Variants in GYPC observed in about 807,000 individuals in gnomAD.
GYPC encodes the protein glycophorin-C.
Under a neutral mutation model 12.6 loss-of-function variants are expected in GYPC, and 14 were observed. The observed-to-expected ratio is 1.11, with a 90% CI of 0.74 to 1.74. The LOEUF (loss-of-function observed/expected upper bound fraction) is 1.74, where lower values mean the gene tolerates loss of function less well. Among genes scored for constraint, GYPC ranks in the 40% most tolerant of loss-of-function variants. The pLI is 0.00. For missense variants in GYPC, 225 were observed against 172.1 expected, an observed-to-expected ratio of 1.31 and a Z score of -1.72; for synonymous variants, 78 against 62.1, an observed-to-expected ratio of 1.26 and a Z score of -1.20.
chr2:126,696,474 G>A lies in GYPC; in HGVS notation c.*332G>A, dbSNP rs1683648930. The A allele has an allele frequency of 2.6e-6, 1 of 377,990 alleles. No homozygotes were observed. The highest frequency in any genetic ancestry group is 2.2e-5 in the South Asian group (1 of 44,812). 23.4% of individuals were successfully genotyped at this position (377,990 alleles called of 1,614,324 possible). Reference sequence around the variant, plus strand: ...CACTGGCAGGAAAGTCCTTGTTGAGGGTGAGGGGGTGCTGGGGTACCCGGG... The same window carrying A: ...CACTGGCAGGAAAGTCCTTGTTGAGAGTGAGGGGGTGCTGGGGTACCCGGG... On this transcript the variant is annotated 3_prime_UTR_variant, in exon 4 of 4. Transcript: ENST00000259254.
intron 1 of GYPC, among the ~76,000 whole-genome samples, chr2:126,673,113 C>T (rs774347677): frequency 6.6e-4 from 101 of 152,086 alleles, no homozygotes; most frequent in Non-Finnish European, 1.1e-3. Flanking sequence ...ATGTGATGAA[C>T]GGTCCAGGGA....
In GYPC at chr2:126,656,240, C is replaced by A. The variant is rs747399461; in HGVS notation, c.-24C>A. ...GCCCGGCCTGGCCAGTCCCCGCGGTCTCTGCCCGGGCTGACGCCCAGGAAT... is the reference window on the plus strand; with the variant it reads ...GCCCGGCCTGGCCAGTCCCCGCGGTATCTGCCCGGGCTGACGCCCAGGAAT... On this transcript the variant is annotated 5_prime_UTR_variant, in exon 1 of 4. Coordinates refer to ENST00000259254, the MANE Select transcript of GYPC (RefSeq NM_002101.5). 1.9e-6 allele frequency: 3 copies of A among 1,595,770 alleles called. No homozygotes were observed. The highest frequency in any genetic ancestry group is 1.7e-6 in the Non-Finnish European group (2 of 1,173,448).
intron 2 of GYPC, among the ~76,000 whole-genome samples, chr2:126,691,835 A>G (rs1683475321): frequency 6.6e-6 from 1 of 152,324 alleles, no homozygotes; most frequent in South Asian, 2.1e-4. Flanking sequence ...AAACTGTCCT[A>G]ATAAATGCTG....
At chr2:126,689,795 C>A (rs2104804686) in intron 1 of GYPC, among the ~76,000 whole-genome samples, 1 of 152,332 alleles carries the variant, frequency 6.6e-6, no homozygotes, top group African/African-American at 2.4e-5. Flanking sequence ...GAACTGTGAG[C>A]CAAACAAACC....
rs746065815 is a variant in GYPC, at chr2:126,681,791, A to G, written c.50-8464A>G. On this transcript the variant is annotated intron_variant, in intron 1 of 3. Coordinates refer to ENST00000259254, the MANE Select transcript of GYPC (RefSeq NM_002101.5). ...AAAAACTTCATCCAAAAAAAAAAAA[A>G]AAAGAAAGAAAGAAAGAAAAGAAAA... 3.0e-4 allele frequency among the ~76,000 whole-genome samples: 33 copies of G among 109,940 alleles called. No homozygotes were observed. In the East Asian group the frequency reaches 3.7e-3, roughly 12 times the overall value. The allele number at this position is 109,940 out of a possible 152,430, so 72.1% of individuals were successfully genotyped here. A position where few individuals can be genotyped will look rare whatever the true frequency, so the allele number is the denominator to read the frequency against.
intron 1 of GYPC, among the ~76,000 whole-genome samples, chr2:126,674,456 G>A (rs956369521): frequency 4.7e-5 from 3 of 63,510 alleles, no homozygotes; most frequent in East Asian, 3.3e-4. Context: ...GGAAACAAGT[G>A]GGGGGGGAAT....
chr2:126,659,045 C>A (rs1160876930), intron 1 of GYPC, among the ~76,000 whole-genome samples: 1 of 152,196 alleles, frequency 6.6e-6, no homozygotes, highest in African/African-American at 2.4e-5. Context: ...AGAAACTACC[C>A]TCCTAAAGGT....
intron 1 of GYPC, chr2:126,685,858 G>A (rs1683274734): frequency 1.0e-6 from 1 of 985,200 alleles, no homozygotes; most frequent in Non-Finnish European, 1.2e-6. Flanking sequence ...TGAAACACCT[G>A]CATTTCCTGT....
At position 126,664,874 on chromosome 2, in the gene GYPC, A is replaced by G. The variant is rs559538745; in HGVS notation, c.49+8562A>G. On this transcript the variant is annotated intron_variant, in intron 1 of 3. Transcript: ENST00000259254. The stretch of plus-strand genomic sequence containing the variant: ...CTGGGCATCTGCAGGGGCAGCCTCT[A>G]CCTCTCCCTGTGGGACTTCACTAAC... 2.0e-3 allele frequency among the ~76,000 whole-genome samples: 305 copies of G among 150,720 alleles called. 5 individuals are homozygous for G. The highest frequency in any genetic ancestry group is 3.6e-3 in the Non-Finnish European group (242 of 67,718).
intron 1 of GYPC, among the ~76,000 whole-genome samples, chr2:126,664,368 T>C (rs1362884995): frequency 6.6e-6 from 1 of 152,002 alleles, no homozygotes; most frequent in Non-Finnish European, 1.5e-5. Context: ...TTATCTCCAT[T>C]TTGCATGTGA....
chr2:126,695,881 G>GACC, intron 3 of GYPC, 65 bp from the exon 4 acceptor site: 3 of 1,311,978 alleles, frequency 2.3e-6, no homozygotes, highest in Non-Finnish European at 3.3e-6. Context: ...TGTGGGTCTT[G>GACC]ACCACCATCC....
intron 3 of GYPC, among the ~76,000 whole-genome samples, chr2:126,695,717 C>A (rs1220120983): frequency 6.6e-6 from 1 of 152,160 alleles, no homozygotes; most frequent in Non-Finnish European, 1.5e-5. Context: ...GTAGGCTAGG[C>A]CAAGCTTCGA....
At chr2:126,680,351 C>T (rs1683119945) in intron 1 of GYPC, 1 of 152,202 alleles carries the variant, frequency 6.6e-6, no homozygotes, top group African/African-American at 2.4e-5. Context: ...GGTTTCCCTC[C>T]ATGAGCCCAA....
chr2:126,666,655 TAAG>T (rs1450619218), intron 1 of GYPC, among the ~76,000 whole-genome samples: 1 of 150,888 alleles, frequency 6.6e-6, no homozygotes, highest in East Asian at 2.0e-4. Flanking sequence ...TCATTGCAAG[TAAG>T]AAACTGTGAT....
intron 2 of GYPC, 82 bp downstream of exon 2, chr2:126,690,393 G>C (rs1683425652): frequency 9.4e-7 from 1 of 1,061,294 alleles, no homozygotes; most frequent in Non-Finnish European, 1.5e-6. Flanking sequence ...CCTTTAAGCA[G>C]CCAGGGTTGG....
At chr2:126,690,412 G>C in intron 2 of GYPC, 101 bp downstream of exon 2, 1 of 895,886 alleles carries the variant, frequency 1.1e-6, no homozygotes, top group Non-Finnish European at 1.9e-6. Flanking sequence ...GGGGGACTTG[G>C]TGAAAACATC....
chr2:126,666,673 G>T (rs1181970901), intron 1 of GYPC, among the ~76,000 whole-genome samples: 2 of 149,378 alleles, frequency 1.3e-5, no homozygotes, highest in Non-Finnish European at 3.0e-5. Context: ...TGTGATGCTG[G>T]CCTTCCATTC....
At chr2:126,659,466 C>T (rs1013536719) in intron 1 of GYPC, among the ~76,000 whole-genome samples, 6 of 152,186 alleles carry the variant, frequency 3.9e-5, no homozygotes, top group Non-Finnish European at 7.3e-5. Context: ...TACCTCAGCA[C>T]CTCAGTTTTC....
Position 126,696,415 on chromosome 2 carries a change from G to A in GYPC, c.*273G>A, listed in dbSNP as rs1260726395. On this transcript the variant is annotated 3_prime_UTR_variant, in exon 4 of 4. Coordinates refer to ENST00000259254, the MANE Select transcript of GYPC (RefSeq NM_002101.5). ...GAGGTGGGAGAAAATCTGGGCACATGGGGCCCCCTGGGCAGTGCAGGACAA... is the reference window on the plus strand; with the variant it reads ...GAGGTGGGAGAAAATCTGGGCACATAGGGCCCCCTGGGCAGTGCAGGACAA... The A allele has an allele frequency of 6.5e-6, 3 of 460,962 alleles. No individual in the cohort carries two copies. The highest frequency in any genetic ancestry group is 6.0e-5 in the African/African-American group (3 of 50,356). 28.6% of individuals were successfully genotyped at this position (460,962 alleles called of 1,614,324 possible).
Sources: gnomAD v4.1 joint callset for allele counts (sites outside exome capture counted in the v4.1 genomes callset) on GRCh38, gnomAD v4.1.1 for gene constraint, MANE v1.5 for transcripts, NCBI Gene and HGNC (gene_info 2026-07-23, HGNC 2026-07-21) for gene names.